The following TMPRSS11D variants were observed in gnomAD, a reference collection of about 807,000 sequenced individuals.
The protein encoded by TMPRSS11D is transmembrane serine protease 11D.
TMPRSS11D carries 32 observed loss-of-function variants against 44.4 expected under a neutral mutation model. The ratio of observed to expected loss-of-function variants is 0.72; its 90% CI spans 0.54 to 0.97. TMPRSS11D has a LOEUF of 0.97. TMPRSS11D is among the 50% of genes least tolerant of loss of function. TMPRSS11D has a pLI of 0.00. For synonymous variants in TMPRSS11D, 179 were observed against 177.9 expected, an observed-to-expected ratio of 1.01 and a Z score of -0.05; for missense variants, 446 against 502.6, an observed-to-expected ratio of 0.89 and a Z score of 1.08.
At chr4:67,867,258 G>A (rs1177968677) in intron 1 of TMPRSS11D, among the ~76,000 whole-genome samples, 1 of 151,956 alleles carries the variant, frequency 6.6e-6, no homozygotes, top group Non-Finnish European at 1.5e-5. Context: ...ATAAATGGTG[G>A]TGGTAAAATT....
chr4:67,835,191 G>T, intron 5 of TMPRSS11D, 70 bp from the exon 6 acceptor site: 8 of 1,398,358 alleles, frequency 5.7e-6, no homozygotes, highest in Middle Eastern at 1.9e-4. Context: ...ATTTCTTAAA[G>T]TACAGTACCC....
Position 67,833,372 on chromosome 4 carries a change from G to A in TMPRSS11D, c.524C>T (p.Ala175Val), listed in dbSNP as rs1411477051. 6.6e-7 allele frequency: 1 copy of A among 1,505,604 alleles called. No homozygotes were observed. 93.3% of individuals were successfully genotyped at this position (1,505,604 alleles called of 1,614,324 possible). ...AANWLINECG[A>V]GPDLITLSEQ... ...AGACAATGTTATTAGGTCTGGACCG[G>A]CCCCACATTCTAATGAGAAAGGGCA... is the stretch of plus-strand genomic sequence containing the variant. Residue 175 changes from alanine (A) to valine (V), a missense_variant, in exon 7 of 10, where the codon GCC becomes GTC. Coordinates refer to ENST00000283916, the MANE Select transcript of TMPRSS11D (RefSeq NM_004262.3).
intron 4 of TMPRSS11D, 57 bp from the exon 5 acceptor site, chr4:67,838,386 T>C: frequency 1.4e-6 from 2 of 1,421,726 alleles, no homozygotes; most frequent in East Asian, 5.1e-5. Context: ...TTCACCATCC[T>C]GTTTATATAT....
chr4:67,827,668 G>A (rs1717838287), intron 7 of TMPRSS11D, 148 bp from the exon 8 acceptor site: 1 of 889,840 alleles, frequency 1.1e-6, no homozygotes, highest in South Asian at 2.3e-5. Flanking sequence ...AAGCTGGCAA[G>A]TGAGTTTAAT....
At chr4:67,869,304 A>C (rs1206241448) in intron 1 of TMPRSS11D, among the ~76,000 whole-genome samples, 2 of 152,142 alleles carry the variant, frequency 1.3e-5, no homozygotes, top group African/African-American at 4.8e-5. Context: ...CCTACAATAT[A>C]AATCTCTAGG....
intron 1 of TMPRSS11D, among the ~76,000 whole-genome samples, chr4:67,869,585 T>C (rs890975334): frequency 6.6e-6 from 1 of 152,200 alleles, no homozygotes; most frequent in African/African-American, 2.4e-5. Context: ...CAGTGATTTA[T>C]GACCGAGGGA....
At chr4:67,839,552 TGG>T (rs1009827822) in intron 4 of TMPRSS11D, among the ~76,000 whole-genome samples, 1 of 152,076 alleles carries the variant, frequency 6.6e-6, no homozygotes, top group Non-Finnish European at 1.5e-5. Flanking sequence ...AGACTGGAGA[TGG>T]GACCTTGGGC....
rs181691401 is a variant in TMPRSS11D at position 67,837,538 on chromosome 4, T to C, written c.475+634A>G. ...TAATCTTGAGCTCATCGAGAAGAAA[T>C]AATGGCTTATTAAACTAGCAGAATG... is the stretch of plus-strand genomic sequence containing the variant. On this transcript the variant is annotated intron_variant, in intron 5 of 9. Coordinates refer to ENST00000283916, the MANE Select transcript of TMPRSS11D (RefSeq NM_004262.3). Among the ~76,000 whole-genome samples the C allele has an allele frequency of 2.8e-4, 42 of 152,248 alleles. No individual in the cohort carries two copies. In the East Asian group the frequency reaches 6.6e-3, roughly 24 times the overall value.
chr4:67,876,734 T>G (rs1425890049), intron 1 of TMPRSS11D, among the ~76,000 whole-genome samples: 1 of 152,204 alleles, frequency 6.6e-6, no homozygotes, highest in Non-Finnish European at 1.5e-5. Flanking sequence ...CAAGACATGG[T>G]GGGTGCTCTA....
At chr4:67,864,905 GAATAC>G (rs774975701) in intron 1 of TMPRSS11D, among the ~76,000 whole-genome samples, 10 of 151,456 alleles carry the variant, frequency 6.6e-5, no homozygotes, top group Non-Finnish European at 1.2e-4. Context: ...AGATAGACAG[GAATAC>G]AATAATGATG....
intron 1 of TMPRSS11D, among the ~76,000 whole-genome samples, chr4:67,881,643 C>A (rs1253176896): frequency 1.3e-5 from 2 of 152,128 alleles, no homozygotes; most frequent in African/African-American, 4.8e-5. Context: ...AGGATTGAAA[C>A]AACAGGCAGG....
intron 1 of TMPRSS11D, among the ~76,000 whole-genome samples, chr4:67,864,850 C>T (rs1462046955): frequency 2.0e-5 from 3 of 151,836 alleles, no homozygotes; most frequent in Admixed American, 1.3e-4. Flanking sequence ...ACATATCCAA[C>T]ACTAGAGCAC....
chr4:67,839,966 T>C (rs527801776), intron 4 of TMPRSS11D, among the ~76,000 whole-genome samples: 3 of 145,386 alleles, frequency 2.1e-5, no homozygotes, highest in Non-Finnish European at 3.1e-5. Context: ...TATCTCCTAA[T>C]GCTATCCCTC....
intron 2 of TMPRSS11D, among the ~76,000 whole-genome samples, chr4:67,857,114 C>T (rs1718656623): frequency 6.6e-6 from 1 of 151,814 alleles, no homozygotes; most frequent in Non-Finnish European, 1.5e-5. Context: ...CTATATGATC[C>T]AGCAATCCCA....
intron 3 of TMPRSS11D, among the ~76,000 whole-genome samples, chr4:67,847,020 T>C (rs903245262): frequency 4.6e-5 from 7 of 152,116 alleles, no homozygotes; most frequent in African/African-American, 2.4e-5. Flanking sequence ...TTCTCCTGCC[T>C]CTGCCTCTTG....
chr4:67,840,437 T>C (rs1427749162), intron 4 of TMPRSS11D, among the ~76,000 whole-genome samples: 2 of 152,032 alleles, frequency 1.3e-5, no homozygotes, highest in Non-Finnish European at 2.9e-5. Context: ...AGCCAAACCA[T>C]ACCAAGGTGG....
intron 3 of TMPRSS11D, among the ~76,000 whole-genome samples, chr4:67,850,183 T>C (rs1346330018): frequency 6.6e-5 from 10 of 152,176 alleles, no homozygotes; most frequent in Non-Finnish European, 2.9e-5. Flanking sequence ...AAGGATTTAG[T>C]GTATGATAAA....
rs1250581588 is a variant in TMPRSS11D, at chr4:67,827,499, C to A, written c.714G>T (p.Trp238Cys). The A allele has an allele frequency of 6.2e-7, 1 of 1,605,878 alleles. No individual in the cohort carries two copies. Among genetic ancestry groups the A allele is most frequent in the Non-Finnish European group, 8.5e-7 (1 of 1,175,602 alleles). Reference protein sequence around the residue: ...CFRSNSNPRDWIATSGISTTF... With the variant: ...CFRSNSNPRDCIATSGISTTF... ...TTGTGGAAATACCAGACGTGGCAAT[C>A]CAGTCACGAGGATTAGAGTTGCTAA... is the stretch of plus-strand genomic sequence containing the variant. The change falls in exon 8 of 10, where the codon TGG becomes TGT. Residue 238 changes from tryptophan to cysteine, a missense_variant. Physicochemically the swap from Trp to Cys is radical, Grantham distance 215. Coordinates refer to ENST00000283916, the MANE Select transcript of TMPRSS11D (RefSeq NM_004262.3).
At chr4:67,834,907 T>C (rs546151975) in intron 6 of TMPRSS11D, among the ~76,000 whole-genome samples, 176 bp downstream of exon 6, 1 of 152,172 alleles carries the variant, frequency 6.6e-6, no homozygotes, top group East Asian at 1.9e-4. Flanking sequence ...AAACCTAAAG[T>C]CCACTCCATG....
Sources: allele counts gnomAD v4.1 joint callset (sites outside exome capture counted in the v4.1 genomes callset), GRCh38; gene constraint gnomAD v4.1.1; transcripts MANE v1.5; gene names NCBI Gene and HGNC (gene_info 2026-07-23, HGNC 2026-07-21).